Variants in PAFAH1B1 observed in about 807,000 individuals in gnomAD.
PAFAH1B1 encodes the protein platelet-activating factor acetylhydrolase IB subunit beta.
PAFAH1B1 carries 2 observed loss-of-function variants against 57.5 expected under a neutral mutation model. The ratio of observed to expected loss-of-function variants is 0.03; its 90% CI spans 0.01 to 0.11. The LOEUF (loss-of-function observed/expected upper bound fraction) is 0.11, where lower values mean the gene tolerates loss of function less well. Ranked by LOEUF, PAFAH1B1 falls within the 10% of genes least tolerant of loss-of-function variation. The pLI, the probability that PAFAH1B1 is intolerant of heterozygous loss-of-function variation, is 1.00. For synonymous variants in PAFAH1B1, 152 were observed against 169.6 expected, an observed-to-expected ratio of 0.90 and a Z score of 0.81; for missense variants, 257 against 512.0, an observed-to-expected ratio of 0.50 and a Z score of 4.81.
At chr17:2,630,406 T>A (rs866551193) in intron 1 of PAFAH1B1, among the ~76,000 whole-genome samples, 7 of 152,168 alleles carry the variant, frequency 4.6e-5, no homozygotes, top group Non-Finnish European at 8.8e-5. Context: ...TGGCTGATAA[T>A]TGTTTTGTTT....
chr17:2,607,631 G>A (rs1184266425), intron 1 of PAFAH1B1, among the ~76,000 whole-genome samples: 1 of 151,496 alleles, frequency 6.6e-6, no homozygotes, highest in African/African-American at 2.4e-5. Context: ...TCACAGGCAT[G>A]TACCACCACA....
intron 2 of PAFAH1B1, chr17:2,640,257 AATGTCCTTT>A (rs1468097854): frequency 1.3e-5 from 2 of 152,058 alleles, no homozygotes; most frequent in Non-Finnish European, 2.9e-5. Flanking sequence ...TTGATTCCAT[AATGTCCTTT>A]GTGGCACTTT....
chr17:2,649,623 A>G (rs2151643237), intron 2 of PAFAH1B1, among the ~76,000 whole-genome samples: 1 of 152,318 alleles, frequency 6.6e-6, no homozygotes, highest in East Asian at 1.9e-4. Context: ...TATAGTAGAA[A>G]AGATTTTCCT....
At chr17:2,663,236 C>T (rs1474914752) in intron 2 of PAFAH1B1, among the ~76,000 whole-genome samples, 1 of 152,010 alleles carries the variant, frequency 6.6e-6, no homozygotes, top group Non-Finnish European at 1.5e-5. Context: ...GGAGATCGCA[C>T]CACTGCACTC....
intron 1 of PAFAH1B1, among the ~76,000 whole-genome samples, chr17:2,612,677 C>T (rs1026331322): frequency 7.9e-5 from 12 of 152,106 alleles, no homozygotes; most frequent in African/African-American, 2.4e-4. Flanking sequence ...GGCCTGAACA[C>T]GGCTTCTCTG....
At chr17:2,641,120 T>C (rs2068689458) in intron 2 of PAFAH1B1, 2 of 152,400 alleles carry the variant, frequency 1.3e-5, no homozygotes, top group African/African-American at 4.8e-5. Flanking sequence ...TTTTTCTTCT[T>C]TTTATTTACT....
intron 9 of PAFAH1B1, among the ~76,000 whole-genome samples, chr17:2,677,316 G>T (rs1051149047): frequency 6.6e-6 from 1 of 152,028 alleles, no homozygotes; most frequent in Admixed American, 6.6e-5. Context: ...AGTTTATTTG[G>T]CTTATTTAGG....
At chr17:2,643,504 C>T (rs2068723585) in intron 2 of PAFAH1B1, among the ~76,000 whole-genome samples, 1 of 151,854 alleles carries the variant, frequency 6.6e-6, no homozygotes, top group South Asian at 2.1e-4. Flanking sequence ...GATGCTTGCA[C>T]CTAGGCCTCA....
chr17:2,656,146 G>A (rs908082833), intron 2 of PAFAH1B1, among the ~76,000 whole-genome samples: 5 of 152,042 alleles, frequency 3.3e-5, no homozygotes, highest in South Asian at 2.1e-4. Flanking sequence ...GGCTGGTCTC[G>A]AACTCCTAAC....
In PAFAH1B1 at chr17:2,599,017, T is replaced by C. The variant is rs78660278; in HGVS notation, c.-191+5011T>C. On this transcript the variant is annotated intron_variant, in intron 1 of 10. Coordinates refer to ENST00000397195, the MANE Select transcript of PAFAH1B1 (RefSeq NM_000430.4). Reference sequence around the variant, plus strand: ...TTATTATTTTATTTCTTGTTTTCTTTTTAAAAGATGGTGGCTTCTTGTTGA... The same window carrying C: ...TTATTATTTTATTTCTTGTTTTCTTCTTAAAAGATGGTGGCTTCTTGTTGA... Among the ~76,000 whole-genome samples, 102 of 152,354 alleles carry C rather than the reference T, an allele frequency of 6.7e-4. 2 individuals carry two copies. The highest frequency in any genetic ancestry group is 2.4e-3 in the African/African-American group (99 of 41,590).
At position 2,685,185 on chromosome 17, in the gene PAFAH1B1, A is replaced by G. The variant is rs2069456319; in HGVS notation, c.*3383A>G. 6.6e-6 allele frequency: 1 copy of G among 151,288 alleles called. No homozygotes were observed. Among genetic ancestry groups the G allele is most frequent in the Non-Finnish European group, 1.5e-5 (1 of 67,820 alleles). The allele number at this position is 151,288 out of a possible 1,614,324, so 9.4% of individuals were successfully genotyped here. On this transcript the variant is annotated 3_prime_UTR_variant, in exon 11 of 11. Transcript: ENST00000397195. ...TTTCCAGTGGGGTGGGGGGAGGGCAAGCTGGATTTACAGGTCACGGCTGGA... is the reference window on the plus strand; with the variant it reads ...TTTCCAGTGGGGTGGGGGGAGGGCAGGCTGGATTTACAGGTCACGGCTGGA...
intron 10 of PAFAH1B1, 142 bp from the exon 11 acceptor site, chr17:2,681,587 G>A (rs868632486): frequency 3.1e-6 from 2 of 653,700 alleles, no homozygotes; most frequent in African/African-American, 1.8e-5. Flanking sequence ...TCAGTCTCCC[G>A]AGTAGCTGGG....
chr17:2,646,933 G>A (rs7207159), intron 2 of PAFAH1B1, among the ~76,000 whole-genome samples: 150,853 of 152,322 alleles, frequency 0.99, 74,720 homozygotes, highest in Middle Eastern at 1. Context: ...CACCACCTTC[G>A]TAGAAACACT....
Position 2,638,156 on chromosome 17 carries a change from A to T in PAFAH1B1, c.-133A>T, listed in dbSNP as rs184770358. On this transcript the variant is annotated 5_prime_UTR_variant, in exon 2 of 11. Coordinates refer to ENST00000397195, the MANE Select transcript of PAFAH1B1 (RefSeq NM_000430.4). The stretch of plus-strand genomic sequence containing the variant: ...GGTTACTAGTTGGATTCATTTGTGA[A>T]AGAATCATTTTCCCCTGTGTGGAAG... 1.6e-3 allele frequency: 1,083 copies of T among 657,182 alleles called. 4 individuals carry two copies. Among genetic ancestry groups the T allele is most frequent in the Non-Finnish European group, 2.2e-3 (798 of 368,492 alleles). 40.7% of individuals were successfully genotyped at this position (657,182 alleles called of 1,614,324 possible).
intron 2 of PAFAH1B1, among the ~76,000 whole-genome samples, chr17:2,660,573 G>T (rs569965278): frequency 9.2e-5 from 14 of 152,296 alleles, no homozygotes; most frequent in South Asian, 6.2e-4. Flanking sequence ...TCGCCACAAA[G>T]GACATGATCT....
intron 8 of PAFAH1B1, among the ~76,000 whole-genome samples, chr17:2,676,023 T>C (rs986243476): frequency 6.6e-6 from 1 of 152,214 alleles, no homozygotes; most frequent in Non-Finnish European, 1.5e-5. Flanking sequence ...TTACATTATC[T>C]GAGTCCTTCC....
In PAFAH1B1 at chr17:2,601,694, G is replaced by C. The variant is rs1005908127; in HGVS notation, c.-191+7688G>C. ...TGACCTCAGGTGATCCTCCTGCCTC[G>C]GCCCCGCAAAGTGCTGGGATTACAG... On this transcript the variant is annotated intron_variant, in intron 1 of 10. Transcript: ENST00000397195. 2.0e-5 allele frequency among the ~76,000 whole-genome samples: 3 copies of C among 152,146 alleles called. No individual in the cohort carries two copies. The East Asian group carries it at 5.8e-4, about 29-fold the overall frequency.
At chr17:2,619,534 C>CTGTTTTTTTT (rs113455177) in intron 1 of PAFAH1B1, among the ~76,000 whole-genome samples, 55,411 of 148,966 alleles carry the variant, frequency 0.37, 11,032 homozygotes, top group African/African-American at 0.5. Flanking sequence ...TGGCCCTTAC[C>CTGTTTTTTTT]TGTTTTTTTT....
intron 1 of PAFAH1B1, among the ~76,000 whole-genome samples, chr17:2,597,245 A>G (rs1449413291): frequency 1.3e-5 from 2 of 152,074 alleles, no homozygotes; most frequent in Non-Finnish European, 2.9e-5. Context: ...ATAGTTCTGT[A>G]TAGAACTCTT....
Sources: allele counts gnomAD v4.1 joint callset (sites outside exome capture counted in the v4.1 genomes callset), GRCh38; gene constraint gnomAD v4.1.1; transcripts MANE v1.5; gene names NCBI Gene and HGNC (gene_info 2026-07-23, HGNC 2026-07-21).